The following ZNF302 variants were observed in gnomAD, a reference collection of about 807,000 sequenced individuals.
ZNF302 encodes zinc finger protein 327.
Under a neutral mutation model 10.8 loss-of-function variants are expected in ZNF302, and 12 were observed. The ratio of observed to expected loss-of-function variants is 1.11; its 90% CI spans 0.71 to 1.79. ZNF302 has a LOEUF of 1.79. Ranked by LOEUF, ZNF302 falls within the 40% of genes most tolerant of loss-of-function variation. The pLI is 0.00. For missense variants in ZNF302, 461 were observed against 471.1 expected (o/e 0.98, Z 0.20); for synonymous variants, 178 against 157.5 (o/e 1.13, Z -0.98).
chr19:34,685,516 C>G lies in ZNF302; in HGVS notation c.*279C>G, dbSNP rs572459978. On this transcript the variant is annotated 3_prime_UTR_variant, in exon 5 of 5. Coordinates refer to ENST00000505242, the MANE Select transcript of ZNF302 (RefSeq NM_001289187.2). ...AGTGTGGGAAAGCTTTTAGCAAAGG[C>G]TCGAATCTTACTGCCCATCAAAGAG... 1 of 1,567,142 alleles carries G rather than the reference C, an allele frequency of 6.4e-7. No homozygotes were observed. The highest frequency in any genetic ancestry group is 2.2e-5 in the East Asian group (1 of 44,546).
At chr19:34,678,892 C>T (rs1229296365) in intron 2 of ZNF302, 79 bp downstream of exon 2, 1 of 1,554,180 alleles carries the variant, frequency 6.4e-7, no homozygotes, top group Non-Finnish European at 8.9e-7. Context: ...CCTGCCTGTT[C>T]CCACCTAATC....
intron 2 of ZNF302, among the ~76,000 whole-genome samples, 178 bp downstream of exon 2, chr19:34,678,991 C>T (rs557799607): frequency 2.0e-4 from 30 of 152,194 alleles, no homozygotes; most frequent in Non-Finnish European, 2.9e-4. Context: ...GTCCTCATCA[C>T]CCAGTGTTCC....
rs1385186154 is a variant in ZNF302, at chr19:34,684,402, A to G, written c.365A>G (p.Asp122Gly). 6.2e-7 allele frequency: 1 copy of G among 1,611,442 alleles called. No homozygotes were observed. Among genetic ancestry groups the G allele is most frequent in the Non-Finnish European group, 8.5e-7 (1 of 1,179,056 alleles). ...AAGAATTTGGAATATACAGAATGCG[A>G]CACATTTAGAAGCACCTTTCATTCA... ...SNKNLEYTEC[D>G]TFRSTFHSKS... Residue 122 changes from aspartate to glycine, a missense_variant, in exon 5 of 5, where the codon GAC becomes GGC. Transcript: ENST00000505242.
At chr19:34,682,360 C>T in intron 2 of ZNF302, 1 of 155,320 alleles carries the variant, frequency 6.4e-6, no homozygotes, top group Non-Finnish European at 1.4e-5. Flanking sequence ...TTTAGTGAAT[C>T]TTTCTGAGTA....
rs2068527030 is a variant in ZNF302 at position 34,684,241 on chromosome 19, A to C, written c.215-11A>C. On this transcript the variant is annotated splice_polypyrimidine_tract_variant and intron_variant, in intron 4 of 4. Transcript: ENST00000505242. ...AAAAAGGCAGTGCTTTGCTTTCTTG[A>C]TATATTTCAGATTGGGAATCAAGAT... The C allele has an allele frequency of 7.1e-7, 1 of 1,414,108 alleles. No homozygotes were observed. The highest frequency in any genetic ancestry group is 1.5e-5 in the African/African-American group (1 of 66,882). The allele number at this position is 1,414,108 out of a possible 1,614,324, so 87.6% of individuals were successfully genotyped here.
At chr19:34,682,245 T>C (rs2068390911) in intron 2 of ZNF302, 1 of 154,136 alleles carries the variant, frequency 6.5e-6, no homozygotes, top group Non-Finnish European at 1.4e-5. Flanking sequence ...ATTAGAATGG[T>C]GATTAAGTTC....
intron 2 of ZNF302, among the ~76,000 whole-genome samples, chr19:34,680,190 CAAAGT>C (rs1316190415): frequency 3.3e-5 from 5 of 152,144 alleles, no homozygotes; most frequent in Non-Finnish European, 7.4e-5. Flanking sequence ...AAAGAAAAAA[CAAAGT>C]AAAGGCTAAA....
chr19:34,683,092 T>C (rs2068445403), intron 3 of ZNF302, 63 bp from the exon 4 acceptor site: 1 of 1,607,788 alleles, frequency 6.2e-7, no homozygotes, highest in African/African-American at 1.3e-5. Context: ...TGGTCCCTCT[T>C]GTGATGGCCT....
chr19:34,679,009 TAC>T (rs1275351011), intron 2 of ZNF302, among the ~76,000 whole-genome samples, 196 bp downstream of exon 2: 1 of 152,236 alleles, frequency 6.6e-6, no homozygotes, highest in Non-Finnish European at 1.5e-5. Flanking sequence ...TCCTCTTTTC[TAC>T]AGTTTTCTGC....
Position 34,683,141 on chromosome 19 carries a change from T to C in ZNF302, c.131-14T>C, listed in dbSNP as rs776889191. On this transcript the variant is annotated splice_polypyrimidine_tract_variant and intron_variant, in intron 3 of 4. Transcript: ENST00000505242. The stretch of plus-strand genomic sequence containing the variant: ...ACCACAGCTTAAACAATTCTATATT[T>C]TTCCTGTAAGCAGGTCTTTCCGTAA... 21 of 1,613,898 alleles carry C rather than the reference T, an allele frequency of 1.3e-5. No homozygotes were observed. In the East Asian group the frequency reaches 4.5e-4, roughly 34 times the overall value.
chr19:34,684,692 C>T lies in ZNF302; in HGVS notation c.655C>T (p.His219Tyr). ...AFGKQSILSR[H>Y]WRIHTGEKPY... ...TGGCAAACAGTCAATCCTCAGTCGC[C>T]ACTGGAGAATTCATACAGGAGAGAA... The change falls in exon 5 of 5, where the codon CAC (histidine) becomes TAC (tyrosine). Residue 219 changes from histidine (H) to tyrosine (Y), a missense_variant. Transcript: ENST00000505242. 6.2e-7 allele frequency: 1 copy of T among 1,614,014 alleles called. No homozygotes were observed. The highest frequency in any genetic ancestry group is 8.5e-7 in the Non-Finnish European group (1 of 1,179,938).
chr19:34,675,998 A>G (rs941538913), upstream of ZNF302: 1 of 152,218 alleles, frequency 6.6e-6, no homozygotes, highest in Non-Finnish European at 1.5e-5. Flanking sequence ...GCAAAAGAAC[A>G]AACATCCCAC....
At position 34,685,370 on chromosome 19, in the gene ZNF302, A is replaced by G. The variant is rs2068608123; in HGVS notation, c.*133A>G. 6.2e-7 allele frequency: 1 copy of G among 1,612,982 alleles called. No homozygotes were observed. The highest frequency in any genetic ancestry group is 8.5e-7 in the Non-Finnish European group (1 of 1,179,034). ...TAGGTCGTCCCTGCTTCAACATCAC[A>G]GTATTCATACTGGAGAGAAACCTTA... is the stretch of plus-strand genomic sequence containing the variant. On this transcript the variant is annotated 3_prime_UTR_variant, in exon 5 of 5. Transcript: ENST00000505242.
Position 34,684,991 on chromosome 19 carries a change from T to G in ZNF302, c.954T>G (p.Cys318Trp), listed in dbSNP as rs1391506575. 2 of 1,613,996 alleles carry G rather than the reference T, an allele frequency of 1.2e-6. No individual in the cohort carries two copies. Among genetic ancestry groups the G allele is most frequent in the East Asian group, 4.5e-5 (2 of 44,882 alleles). Residue 318 changes from cysteine (C) to tryptophan (W), a missense_variant, in exon 5 of 5, where the codon TGT (cysteine) becomes TGG (tryptophan). Coordinates refer to ENST00000505242, the MANE Select transcript of ZNF302 (RefSeq NM_001289187.2). ...AAAAACGCTATGAGTGTCGTATATG[T>G]GGAAAGGCCTTCATTCATAGTTCGT... ...TQEKRYECRI[C>W]GKAFIHSSSL...
upstream of ZNF302, chr19:34,676,572 T>C (rs944355556): frequency 3.9e-5 from 6 of 152,198 alleles, no homozygotes; most frequent in East Asian, 1.9e-4. Context: ...ATTGTTTCTT[T>C]ACTTTCTTAA....
chr19:34,676,667 G>C (rs77853003), upstream of ZNF302: 1 of 152,074 alleles, frequency 6.6e-6, no homozygotes, highest in African/African-American at 2.4e-5. Context: ...GGTCGGATCC[G>C]GACCCCTTTC....
At chr19:34,679,329 G>A (rs1468351809) in intron 2 of ZNF302, among the ~76,000 whole-genome samples, 1 of 152,128 alleles carries the variant, frequency 6.6e-6, no homozygotes, top group Non-Finnish European at 1.5e-5. Context: ...CCCAGCATCT[G>A]CCCTTAACCC....
rs1357963641 is a variant in ZNF302 at position 34,684,958 on chromosome 19, T to TA, written c.922dup (p.Thr308AsnfsTer7). 6.2e-7 allele frequency: 1 copy of TA among 1,614,028 alleles called. No individual in the cohort carries two copies. The highest frequency in any genetic ancestry group is 8.5e-7 in the Non-Finnish European group (1 of 1,179,956). On this transcript the variant is annotated frameshift_variant, in exon 5 of 5. Transcript: ENST00000505242. LOFTEE classifies it low-confidence loss of function (END_TRUNC). The stretch of plus-strand genomic sequence containing the variant: ...TTCTCATTCAGCATCTAAGAATTCA[T>TA]ACGCAAGAAAAACGCTATGAGTGTC...
chr19:34,683,115 G>T, intron 3 of ZNF302, 40 bp from the exon 4 acceptor site: 1 of 1,612,732 alleles, frequency 6.2e-7, no homozygotes, highest in South Asian at 1.1e-5. Flanking sequence ...CATAATAGAG[G>T]ACCACAGCTT....
Sources: gnomAD v4.1 joint callset for allele counts (sites outside exome capture counted in the v4.1 genomes callset) on GRCh38, gnomAD v4.1.1 for gene constraint, MANE v1.5 for transcripts, NCBI Gene and HGNC (gene_info 2026-07-23, HGNC 2026-07-21) for gene names.